Variants in DLG1 observed in about 807,000 individuals in gnomAD.
The protein encoded by DLG1 is discs large MAGUK scaffold protein 1, also known as disks large homolog 1.
Under a neutral mutation model 123.4 loss-of-function variants are expected in DLG1, and 42 were observed. The ratio of observed to expected loss-of-function variants is 0.34; its 90% CI spans 0.27 to 0.44. The LOEUF is 0.44. DLG1 is among the 20% of genes least tolerant of loss of function. The pLI is 1.00. For missense variants in DLG1, 942 were observed against 1,082.6 expected (o/e 0.87, Z 1.82); for synonymous variants, 317 against 356.2 (o/e 0.89, Z 1.24).
rs1228557377 is a variant in DLG1 at position 197,043,655 on chromosome 3, T to C, written c.*968A>G. ...GTTACAGTTTAAAGAAAGTTTTATA[T>C]ATATATTTATATATATTTTATTATA... is the stretch of plus-strand genomic sequence containing the variant. On this transcript the variant is annotated 3_prime_UTR_variant, in exon 25 of 25. Coordinates refer to ENST00000667157, the MANE Select transcript of DLG1 (RefSeq NM_001366207.1). 2 of 150,466 alleles carry C rather than the reference T, an allele frequency of 1.3e-5. No individual in the cohort carries two copies. Among genetic ancestry groups the C allele is most frequent in the Admixed American group, 6.6e-5 (1 of 15,054 alleles). 9.3% of individuals were successfully genotyped at this position (150,466 alleles called of 1,614,324 possible).
intron 4 of DLG1, among the ~76,000 whole-genome samples, chr3:197,224,927 C>T (rs1209472108): frequency 1.3e-5 from 2 of 151,068 alleles, no homozygotes; most frequent in African/African-American, 4.9e-5. Context: ...GGGCTCTCTT[C>T]CTACAAATAG....
intron 5 of DLG1, among the ~76,000 whole-genome samples, chr3:197,164,354 G>A (rs151159118): frequency 2.0e-3 from 302 of 152,004 alleles, no homozygotes; most frequent in South Asian, 3.7e-3. Flanking sequence ...CCTAGATTGC[G>A]CCATTGCACT....
chr3:197,258,937 A>G (rs2150940962), intron 4 of DLG1, among the ~76,000 whole-genome samples: 1 of 152,274 alleles, frequency 6.6e-6, no homozygotes, highest in South Asian at 2.1e-4. Flanking sequence ...AAAATTTATA[A>G]ATACTTTAGG....
Position 197,297,211 on chromosome 3 carries a change from C to G in DLG1, c.-7G>C, listed in dbSNP as rs1777861903. 1 of 1,614,036 alleles carries G rather than the reference C, an allele frequency of 6.2e-7. No homozygotes were observed. Among genetic ancestry groups the G allele is most frequent in the East Asian group, 2.2e-5 (1 of 44,872 alleles). On this transcript the variant is annotated 5_prime_UTR_variant, in exon 2 of 25. Transcript: ENST00000667157. ...CTTGCTTCCGGACCGGCATTTTTCT[C>G]CAGAATCAGGAAGAGGGCACACACC...
At chr3:197,277,969 G>A (rs1767314319) in intron 4 of DLG1, among the ~76,000 whole-genome samples, 1 of 151,668 alleles carries the variant, frequency 6.6e-6, no homozygotes, top group Admixed American at 6.6e-5. Flanking sequence ...GTGAGACCCA[G>A]TCTTCAAAAA....
intron 4 of DLG1, among the ~76,000 whole-genome samples, chr3:197,240,928 A>AAC (rs1561632503): frequency 1.3e-5 from 2 of 151,832 alleles, no homozygotes; most frequent in Non-Finnish European, 2.9e-5. Context: ...CCTCAAAAAA[A>AAC]AAATGTAAGA....
At chr3:197,285,780 G>A (rs1470287441) in intron 3 of DLG1, among the ~76,000 whole-genome samples, 1 of 152,226 alleles carries the variant, frequency 6.6e-6, no homozygotes, top group African/African-American at 2.4e-5. Flanking sequence ...TGACAGGAAT[G>A]CAAAATGGTA....
chr3:197,166,815 C>T (rs887810550), intron 5 of DLG1, among the ~76,000 whole-genome samples: 4 of 151,864 alleles, frequency 2.6e-5, no homozygotes, highest in African/African-American at 9.7e-5. Context: ...CGCTTTGAAC[C>T]CAGGAGGCAG....
chr3:197,172,337 ATATT>A (rs1395752758), intron 5 of DLG1, among the ~76,000 whole-genome samples: 3 of 152,164 alleles, frequency 2.0e-5, no homozygotes, highest in African/African-American at 4.8e-5. Flanking sequence ...ACTGGTTTGT[ATATT>A]TATTATACTA....
In DLG1 at chr3:197,289,340, A is replaced by G. The variant is rs983898015; in HGVS notation, c.152-6495T>C. 4.3e-5 allele frequency among the ~76,000 whole-genome samples: 5 copies of G among 115,716 alleles called. No individual in the cohort carries two copies. In the South Asian group the frequency reaches 1.5e-3, roughly 35 times the overall value. The allele number at this position is 115,716 out of a possible 152,430, so 75.9% of individuals were successfully genotyped here. On this transcript the variant is annotated intron_variant, in intron 3 of 24. Coordinates refer to ENST00000667157, the MANE Select transcript of DLG1 (RefSeq NM_001366207.1). ...TGGGGGGTGGCGTGTATACACGCGC[A>G]TACACACACACACACACACACACAC... is the stretch of plus-strand genomic sequence containing the variant.
chr3:197,098,559 C>CCA (rs1352343298), intron 14 of DLG1, among the ~76,000 whole-genome samples: 3 of 152,174 alleles, frequency 2.0e-5, no homozygotes, highest in African/African-American at 7.2e-5. Flanking sequence ...CCACCCGCCC[C>CCA]CACCTCGCTC....
chr3:197,286,247 A>G (rs976559641), intron 3 of DLG1, among the ~76,000 whole-genome samples: 3 of 152,306 alleles, frequency 2.0e-5, no homozygotes, highest in African/African-American at 4.8e-5. Flanking sequence ...GAGAAGAAGA[A>G]GAGCACACAG....
chr3:197,260,278 A>C, intron 4 of DLG1: 1 of 439,142 alleles, frequency 2.3e-6, no homozygotes, highest in Non-Finnish European at 4.6e-6. Context: ...TACAATGCAC[A>C]GGCAATCCAT....
intron 4 of DLG1, among the ~76,000 whole-genome samples, chr3:197,279,745 T>C (rs894454460): frequency 6.6e-6 from 1 of 152,236 alleles, no homozygotes; most frequent in African/African-American, 2.4e-5. Context: ...AATGCCATTT[T>C]TGATGAAATT....
intron 4 of DLG1, among the ~76,000 whole-genome samples, chr3:197,247,011 A>G (rs976474218): frequency 6.6e-6 from 1 of 152,206 alleles, no homozygotes; most frequent in African/African-American, 2.4e-5. Flanking sequence ...CTGTGGCCCT[A>G]AGAATTGATC....
At chr3:197,064,579 T>C (rs1323306869) in intron 22 of DLG1, among the ~76,000 whole-genome samples, 3 of 149,376 alleles carry the variant, frequency 2.0e-5, no homozygotes, top group African/African-American at 5.0e-5. Flanking sequence ...GTGAACTATA[T>C]ATTCTGATCT....
intron 14 of DLG1, among the ~76,000 whole-genome samples, chr3:197,094,886 G>A (rs959944866): frequency 1.2e-4 from 18 of 152,094 alleles, no homozygotes; most frequent in Non-Finnish European, 1.6e-4. Context: ...TTTCTGCTGG[G>A]GGAGGGAAGT....
chr3:197,139,168 T>C (rs1786642922), intron 8 of DLG1, among the ~76,000 whole-genome samples: 1 of 152,166 alleles, frequency 6.6e-6, no homozygotes, highest in Admixed American at 6.5e-5. Context: ...TCTGGTCTCT[T>C]TGATTGCATG....
intron 14 of DLG1, among the ~76,000 whole-genome samples, chr3:197,101,108 T>C (rs975935779): frequency 2.6e-5 from 4 of 152,230 alleles, no homozygotes; most frequent in Non-Finnish European, 5.9e-5. Context: ...CTGTTTTTTT[T>C]GTCAGTTTAC....
Sources: allele counts gnomAD v4.1 joint callset (sites outside exome capture counted in the v4.1 genomes callset), GRCh38; gene constraint gnomAD v4.1.1; transcripts MANE v1.5; gene names NCBI Gene and HGNC (gene_info 2026-07-23, HGNC 2026-07-21).